The following RNF213 variants were observed in gnomAD, a reference collection of about 807,000 sequenced individuals.
The protein encoded by RNF213 is E3 ubiquitin-protein ligase RNF213.
Under a neutral mutation model 514.4 loss-of-function variants are expected in RNF213, and 341 were observed. The observed-to-expected ratio is 0.66, with a 90% CI of 0.61 to 0.73. The LOEUF is 0.73. Among genes scored for constraint, RNF213 ranks in the 30% least tolerant of loss-of-function variants. The pLI is 0.00. For synonymous variants in RNF213, 2,655 were observed against 2,658.2 expected (o/e 1.00, Z 0.04); for missense variants, 5,767 against 6,615.6 (o/e 0.87, Z 4.45).
At position 80,364,369 on chromosome 17, in the gene RNF213, G is replaced by A. The variant is rs114281567; in HGVS notation, c.11751-64G>A. On this transcript the variant is annotated intron_variant, in intron 41 of 67. Transcript: ENST00000582970. ...CATCTCTTCTCCCGTCTCCCTCCTC[G>A]TTTCACCCTTGGGTTCCTTGGTGGG... 594 of 1,612,314 alleles carry A rather than the reference G, an allele frequency of 3.7e-4. 1 individual carries two copies. The African/African-American group carries it at 7.1e-3, about 19-fold the overall frequency.
At chr17:80,290,816 T>C (rs2044696341) in intron 7 of RNF213, 88 bp downstream of exon 7, 2 of 1,503,954 alleles carry the variant, frequency 1.3e-6, no homozygotes, top group East Asian at 4.8e-5. Flanking sequence ...AAATTTTGTT[T>C]TTTTTTTTTC....
intron 3 of RNF213, among the ~76,000 whole-genome samples, chr17:80,277,624 A>G (rs1370309928): frequency 6.6e-6 from 1 of 150,620 alleles, no homozygotes. Context: ...AAAAGCCTAA[A>G]TATCCACATA....
In RNF213 at chr17:80,343,853, T is replaced by A; in HGVS notation, c.6184-4T>A. 6.2e-7 allele frequency: 1 copy of A among 1,614,192 alleles called. No individual in the cohort carries two copies. ...GTTTACACCTCGTGCGATTCTGTTCTTAGGTGCAGACTGGAATTTGGGTGT... is the reference window on the plus strand; with the variant it reads ...GTTTACACCTCGTGCGATTCTGTTCATAGGTGCAGACTGGAATTTGGGTGT... On this transcript the variant is annotated splice_polypyrimidine_tract_variant and splice_region_variant and intron_variant, in intron 27 of 67. Coordinates refer to ENST00000582970, the MANE Select transcript of RNF213 (RefSeq NM_001256071.3). This position sits in a 1 kb window ranked among gnomAD's most constrained non-coding sequence, Gnocchi z 4.3.
chr17:80,386,705 C>T lies in RNF213; in HGVS notation c.14736C>T (p.Ala4912=), dbSNP rs775082457. Residue 4912 remains alanine, a synonymous_variant, in exon 63 of 68, where the codon GCC becomes GCT. Transcript: ENST00000582970. ...TGCCCCTCAGCTATTCCGTGGATGC[C>T]GCCGAGGTCACTGAACTGCATGTCA... ...SKENNSYSVD[A]AEVTELHVIS... The T allele has an allele frequency of 4.3e-6, 7 of 1,614,194 alleles. No individual in the cohort carries two copies. The highest frequency in any genetic ancestry group is 2.7e-5 in the African/African-American group (2 of 75,046).
intron 49 of RNF213, among the ~76,000 whole-genome samples, 165 bp downstream of exon 49, chr17:80,373,330 C>T (rs2079602158): frequency 6.8e-6 from 1 of 147,940 alleles, no homozygotes; most frequent in Non-Finnish European, 1.5e-5. Context: ...CTCACACCCC[C>T]ACACCTCACC....
chr17:80,386,752 A>G lies in RNF213; in HGVS notation c.14783A>G (p.Asp4928Gly). The change falls in exon 63 of 68, where the codon GAC becomes GGC. Residue 4928 changes from aspartate to glycine, a missense_variant. By Grantham distance (94) the Asp-to-Gly change is moderately conservative. Around this residue, in one of 13 missense-constraint regions of RNF213, gnomAD observed 1,245 missense variants for 1,339.0 expected, o/e 0.93. Transcript: ENST00000582970. ...LHVISYEVER[D>G]LTPLILSNCQ... ...GTCATCAGTTATGAAGTGGAGCGGG[A>G]CCTGACTCCACTGATTCTCTCCAAC... 1 of 1,614,104 alleles carries G rather than the reference A, an allele frequency of 6.2e-7. No homozygotes were observed. The highest frequency in any genetic ancestry group is 1.3e-5 in the African/African-American group (1 of 75,044).
intron 1 of RNF213, among the ~76,000 whole-genome samples, chr17:80,261,491 G>C (rs1268711408): frequency 6.6e-6 from 1 of 152,164 alleles, no homozygotes; most frequent in Non-Finnish European, 1.5e-5. Flanking sequence ...GCCGGGCCCT[G>C]GGGGAGTCCA....
intron 17 of RNF213, among the ~76,000 whole-genome samples, chr17:80,322,678 G>T (rs2046178718): frequency 6.6e-6 from 1 of 152,182 alleles, no homozygotes; most frequent in Non-Finnish European, 1.5e-5. Context: ...GCCTTCCAAA[G>T]TGTTGGGATT....
intron 63 of RNF213, among the ~76,000 whole-genome samples, chr17:80,387,819 G>A (rs2080298621): frequency 6.6e-6 from 1 of 152,172 alleles, no homozygotes; most frequent in African/African-American, 2.4e-5. Context: ...CTCATGCACT[G>A]AAGCCACACA....
Position 80,325,123 on chromosome 17 carries a change from A to G in RNF213, c.3118A>G (p.Thr1040Ala). 6.5e-7 allele frequency: 1 copy of G among 1,536,918 alleles called. No homozygotes were observed. The highest frequency in any genetic ancestry group is 8.7e-7 in the Non-Finnish European group (1 of 1,146,844). The part of the protein sequence containing the change: ...SAVITKSWPR[T>A]ADNFDDILKH... ...TGTGATCACTAAGTCCTGGCCTAGG[A>G]CCGCGGACAACTTCGATGACATTTT... Residue 1040 changes from threonine (T) to alanine (A), a missense_variant, in exon 18 of 68, where the codon ACC becomes GCC. Physicochemically the swap from Thr to Ala is moderately conservative, Grantham distance 58 (BLOSUM62 0). Around this residue, in one of 13 missense-constraint regions of RNF213, gnomAD observed 516 missense variants for 566.5 expected, o/e 0.91. Coordinates refer to ENST00000582970, the MANE Select transcript of RNF213 (RefSeq NM_001256071.3).
intron 36 of RNF213, among the ~76,000 whole-genome samples, chr17:80,355,572 C>T (rs752518982): frequency 2.1e-3 from 151 of 70,890 alleles, no homozygotes; most frequent in Admixed American, 3.7e-3. Context: ...GAGGAAGAAG[C>T]GGGGTGAGTG....
intron 17 of RNF213, among the ~76,000 whole-genome samples, chr17:80,322,268 C>T (rs963823932): frequency 6.7e-6 from 1 of 149,762 alleles, no homozygotes; most frequent in Non-Finnish European, 1.5e-5. Flanking sequence ...TGAAGTGGTC[C>T]TCCCACTTTA....
chr17:80,295,354 A>G (rs962697557), intron 9 of RNF213, among the ~76,000 whole-genome samples: 1 of 152,166 alleles, frequency 6.6e-6, no homozygotes, highest in African/African-American at 2.4e-5. Flanking sequence ...GCTGAAGCTG[A>G]GCCCTGATGA....
intron 18 of RNF213, 100 bp downstream of exon 18, chr17:80,325,298 T>C: frequency 1.6e-6 from 2 of 1,214,194 alleles, no homozygotes; most frequent in South Asian, 1.6e-5. Context: ...TGATACTGAA[T>C]TGGGATGGGC....
Position 80,346,321 on chromosome 17 carries a change from G to C in RNF213, c.7986G>C (p.Leu2662=). ...HEHSAMLLAQ[L]NAFLSKSSVS... ...ACAGCGCGATGCTCTTAGCGCAGCT[G>C]AATGCCTTTCTCTCCAAGTCCAGCG... Residue 2662 remains leucine (L), a synonymous_variant, in exon 29 of 68, where the codon CTG becomes CTC. Transcript: ENST00000582970. The surrounding 1 kb of genome is among the most constrained non-coding windows in gnomAD (Gnocchi z 8.1). 6.2e-7 allele frequency: 1 copy of C among 1,613,986 alleles called. No individual in the cohort carries two copies. The highest frequency in any genetic ancestry group is 8.5e-7 in the Non-Finnish European group (1 of 1,180,052).
At chr17:80,340,548 A>T in intron 26 of RNF213, 192 bp downstream of exon 26, 11 of 450,204 alleles carry the variant, frequency 2.4e-5, no homozygotes, top group East Asian at 8.9e-5. Context: ...CACAATGGGT[A>T]TTCCCTGGGA....
chr17:80,379,899 G>T (rs935458728), intron 55 of RNF213, 185 bp downstream of exon 55: 7 of 644,502 alleles, frequency 1.1e-5, no homozygotes, highest in Middle Eastern at 2.8e-4. Flanking sequence ...CTGATCTGTT[G>T]TTGGATCCCT....
chr17:80,372,855 C>T, intron 48 of RNF213, 120 bp from the exon 49 acceptor site: 1 of 1,353,808 alleles, frequency 7.4e-7, no homozygotes, highest in South Asian at 1.2e-5. Flanking sequence ...ATCCCCTCTC[C>T]CCTGGATGTG....
In RNF213 at chr17:80,396,737, C is replaced by A. The variant is rs1335005255; in HGVS notation, c.*3239C>A. ...CAGGAAAGTGCATTTCCCCCCCACC[C>A]CCCCCCCCCAACCAGAGCAACTTTG... On this transcript the variant is annotated 3_prime_UTR_variant, in exon 68 of 68. Coordinates refer to ENST00000582970, the MANE Select transcript of RNF213 (RefSeq NM_001256071.3). 1 of 66,590 alleles carries A rather than the reference C, an allele frequency of 1.5e-5. No homozygotes were observed. The highest frequency in any genetic ancestry group is 8.6e-5 in the African/African-American group (1 of 11,642). 4.1% of individuals were successfully genotyped at this position (66,590 alleles called of 1,614,324 possible). A position where few individuals can be genotyped will look rare whatever the true frequency, so the allele number is the denominator to read the frequency against.
Sources: gnomAD v4.1 joint callset for allele counts (sites outside exome capture counted in the v4.1 genomes callset) on GRCh38, gnomAD v4.1.1 for gene constraint, gnomAD v4.1.1 regional missense constraint, Gnocchi (gnomAD v3.1) non-coding constraint, MANE v1.5 for transcripts, NCBI Gene and HGNC (gene_info 2026-07-23, HGNC 2026-07-21) for gene names.